TASP1: variants seen among roughly 807,000 people sequenced by gnomAD.
The protein encoded by TASP1 is taspase 1.
In TASP1, 16 loss-of-function variants were observed where a neutral mutation model predicts 56.6. The observed-to-expected ratio is 0.28, with a 90% confidence interval of 0.19 to 0.43. The LOEUF (loss-of-function observed/expected upper bound fraction) is 0.43, where lower values mean the gene tolerates loss of function less well. Among genes scored for constraint, TASP1 ranks in the 20% least tolerant of loss-of-function variants. The pLI is 1.00. For missense variants in TASP1, 393 were observed against 511.6 expected, an observed-to-expected ratio of 0.77 and a Z score of 2.24; for synonymous variants, 179 against 184.2, an observed-to-expected ratio of 0.97 and a Z score of 0.23.
the TASP1 span, among the ~76,000 whole-genome samples, chr20:13,164,170 G>A: frequency 6.6e-6 from 1 of 151,970 alleles, no homozygotes; most frequent in African/African-American, 2.4e-5. Context: ...GTGCAAAATG[G>A]GGGATACATG....
the TASP1 span, among the ~76,000 whole-genome samples, chr20:13,228,659 T>C: frequency 6.6e-6 from 1 of 152,318 alleles, no homozygotes; most frequent in East Asian, 1.9e-4. Context: ...CAGCATATGG[T>C]GGACCCTTTC....
At chr20:13,310,832 C>T in the TASP1 span, among the ~76,000 whole-genome samples, 103 of 152,192 alleles carry the variant, frequency 6.8e-4, no homozygotes, top group African/African-American at 2.4e-3. Flanking sequence ...TGTCACTAAC[C>T]GCAGGAAAAT....
At chr20:13,415,155 A>T (rs950813540) in intron 13 of TASP1, among the ~76,000 whole-genome samples, 2 of 152,180 alleles carry the variant, frequency 1.3e-5, no homozygotes, top group Non-Finnish European at 2.9e-5. Context: ...AACATTATGG[A>T]GGAACATGTT....
chr20:13,190,622 T>C, the TASP1 span, among the ~76,000 whole-genome samples: 1 of 152,082 alleles, frequency 6.6e-6, no homozygotes, highest in Admixed American at 6.6e-5. Context: ...CTGAAAATGA[T>C]AAAACTACTA....
chr20:13,587,960 T>C (rs577899389), intron 4 of TASP1, among the ~76,000 whole-genome samples: 1 of 152,080 alleles, frequency 6.6e-6, no homozygotes, highest in East Asian at 1.9e-4. Context: ...ACACCATCTA[T>C]ACAAAAAAAT....
chr20:13,334,135 T>C, the TASP1 span, among the ~76,000 whole-genome samples: 1 of 152,236 alleles, frequency 6.6e-6, no homozygotes, highest in Non-Finnish European at 1.5e-5. Context: ...TAACCTGTGA[T>C]GGTAAGAAAG....
the TASP1 span, among the ~76,000 whole-genome samples, chr20:13,135,561 A>G: frequency 6.6e-6 from 1 of 152,234 alleles, no homozygotes; most frequent in Non-Finnish European, 1.5e-5. Flanking sequence ...GCAACTATAT[A>G]TCTTACCAAG....
intron 9 of TASP1, 115 bp downstream of exon 9, chr20:13,533,907 A>G (rs1226408694): frequency 1.6e-6 from 2 of 1,247,436 alleles, no homozygotes; most frequent in Non-Finnish European, 2.2e-6. Context: ...ATGTTAAAAA[A>G]CAATGACATT....
At chr20:13,320,173 T>C in the TASP1 span, among the ~76,000 whole-genome samples, 33,409 of 152,170 alleles carry the variant, frequency 0.22, 3,945 homozygotes, top group African/African-American at 0.24. Context: ...GAGGGGCTCA[T>C]GGGTCCTGGA....
At chr20:13,420,322 T>C (rs989995150) in intron 12 of TASP1, among the ~76,000 whole-genome samples, 2 of 152,246 alleles carry the variant, frequency 1.3e-5, no homozygotes, top group Non-Finnish European at 2.9e-5. Flanking sequence ...ATGAACTTCA[T>C]TAAATGACTA....
chr20:13,275,087 A>G, the TASP1 span, among the ~76,000 whole-genome samples: 2 of 152,224 alleles, frequency 1.3e-5, no homozygotes, highest in African/African-American at 4.8e-5. Flanking sequence ...GGCTTACTAC[A>G]TTGGTTCATT....
chr20:13,390,814 G>A (rs184417948), intron 13 of TASP1, among the ~76,000 whole-genome samples: 1 of 152,262 alleles, frequency 6.6e-6, no homozygotes, highest in Admixed American at 6.5e-5. Flanking sequence ...GTGAAAACTA[G>A]TAATTTGTAT....
chr20:13,546,533 C>G (rs555241237), intron 8 of TASP1, among the ~76,000 whole-genome samples: 1 of 152,170 alleles, frequency 6.6e-6, no homozygotes, highest in Non-Finnish European at 1.5e-5. Flanking sequence ...AGTCCCCTAG[C>G]CCCCCTGGAA....
At chr20:13,222,316 T>C in the TASP1 span, among the ~76,000 whole-genome samples, 3 of 152,142 alleles carry the variant, frequency 2.0e-5, no homozygotes, top group African/African-American at 7.2e-5. Context: ...AAGGAGACTT[T>C]ATAGGATGAT....
At chr20:13,353,483 A>C in the TASP1 span, among the ~76,000 whole-genome samples, 1 of 152,130 alleles carries the variant, frequency 6.6e-6, no homozygotes, top group Non-Finnish European at 1.5e-5. Context: ...TTGCTAACAC[A>C]CATTAAGTAA....
At chr20:13,173,063 G>GT in the TASP1 span, among the ~76,000 whole-genome samples, 3 of 152,142 alleles carry the variant, frequency 2.0e-5, no homozygotes, top group Non-Finnish European at 4.4e-5. Context: ...ATGGCTCCAG[G>GT]TTTCAGCCTG....
the TASP1 span, chr20:13,299,773 A>C: frequency 3.7e-6 from 1 of 268,238 alleles, no homozygotes; most frequent in Non-Finnish European, 7.1e-6. The surrounding 1 kb of genome is among the most constrained non-coding windows in gnomAD (Gnocchi z 5.8). Flanking sequence ...TCACACCCGG[A>C]TCCAGAGTTT....
At chr20:13,147,364 T>C in the TASP1 span, among the ~76,000 whole-genome samples, 1 of 152,214 alleles carries the variant, frequency 6.6e-6, no homozygotes, top group African/African-American at 2.4e-5. Flanking sequence ...TTCTTGCTGC[T>C]CTGTAGCCTC....
the TASP1 span, among the ~76,000 whole-genome samples, chr20:13,199,786 G>T: frequency 6.6e-6 from 1 of 152,188 alleles, no homozygotes; most frequent in Non-Finnish European, 1.5e-5. Context: ...GGCCAGGATG[G>T]TGCCCAAATC....
Sources: gnomAD v4.1 joint callset for allele counts (sites outside exome capture counted in the v4.1 genomes callset) on GRCh38, gnomAD v4.1.1 for gene constraint, Gnocchi (gnomAD v3.1) non-coding constraint, MANE v1.5 for transcripts, NCBI Gene and HGNC (gene_info 2026-07-23, HGNC 2026-07-21) for gene names.